The following LRCH1 variants were observed in gnomAD, a reference collection of about 807,000 sequenced individuals.
The protein encoded by LRCH1 is leucine-rich repeat and calponin homology domain-containing protein 1.
LRCH1 carries 23 observed loss-of-function variants against 94.9 expected under a neutral mutation model. The observed-to-expected ratio is 0.24, with a 90% confidence interval of 0.17 to 0.34. LRCH1 has a LOEUF of 0.34. Among genes scored for constraint, LRCH1 ranks in the 10% least tolerant of loss-of-function variants. The pLI is 1.00. For missense variants in LRCH1, 790 were observed against 945.9 expected, an observed-to-expected ratio of 0.84 and a Z score of 2.16; for synonymous variants, 364 against 354.9, an observed-to-expected ratio of 1.03 and a Z score of -0.29.
intron 1 of LRCH1, among the ~76,000 whole-genome samples, chr13:46,627,480 G>A (rs1022815939): frequency 6.6e-6 from 1 of 152,130 alleles, no homozygotes; most frequent in South Asian, 2.1e-4. Flanking sequence ...AAATCGAGAA[G>A]TTGAATGAAT....
intron 1 of LRCH1, among the ~76,000 whole-genome samples, chr13:46,600,866 A>C (rs766450054): frequency 6.6e-6 from 1 of 152,202 alleles, no homozygotes; most frequent in African/African-American, 2.4e-5. Context: ...CTCATGACTG[A>C]TGGCCTATTG....
At chr13:46,674,424 G>A (rs1455445861) in intron 3 of LRCH1, among the ~76,000 whole-genome samples, 2 of 152,224 alleles carry the variant, frequency 1.3e-5, no homozygotes, top group African/African-American at 2.4e-5. Flanking sequence ...AACAAGAGCA[G>A]CCAGGTTGTA....
intron 2 of LRCH1, among the ~76,000 whole-genome samples, chr13:46,650,972 A>G (rs1287346186): frequency 6.6e-6 from 1 of 152,214 alleles, no homozygotes; most frequent in African/African-American, 2.4e-5. Context: ...ATAATATCAT[A>G]TATTAATGCC....
intron 16 of LRCH1, chr13:46,717,518 G>T (rs1386101273): frequency 6.6e-6 from 1 of 152,084 alleles, no homozygotes; most frequent in Non-Finnish European, 1.5e-5. Flanking sequence ...AAAAATTTCT[G>T]TACCGAAATA....
intron 3 of LRCH1, chr13:46,679,910 C>T (rs1450148598): frequency 6.6e-6 from 1 of 152,316 alleles, no homozygotes; most frequent in East Asian, 1.9e-4. Context: ...TAGATGAGAC[C>T]AGGTTAGAGG....
At chr13:46,603,765 T>TC (rs1174767311) in intron 1 of LRCH1, among the ~76,000 whole-genome samples, 1 of 152,192 alleles carries the variant, frequency 6.6e-6, no homozygotes, top group Non-Finnish European at 1.5e-5. Flanking sequence ...CAAGCGATCC[T>TC]CCCACCTCAG....
At chr13:46,736,157 C>T (rs1168050882) in intron 19 of LRCH1, among the ~76,000 whole-genome samples, 2 of 40,398 alleles carry the variant, frequency 5.0e-5, no homozygotes, top group African/African-American at 1.4e-4. Flanking sequence ...TGTGTGTGTA[C>T]ACATATATAT....
intron 4 of LRCH1, among the ~76,000 whole-genome samples, chr13:46,685,564 G>T (rs1193209057): frequency 6.6e-6 from 1 of 152,002 alleles, no homozygotes; most frequent in African/African-American, 2.4e-5. Context: ...ACAGTTTGAA[G>T]TTAAAACATA....
chr13:46,658,750 G>C (rs1004714651), intron 2 of LRCH1, among the ~76,000 whole-genome samples: 3 of 152,144 alleles, frequency 2.0e-5, no homozygotes, highest in African/African-American at 7.2e-5. Context: ...CAAAGTGCTT[G>C]GATTACAGGC....
intron 1 of LRCH1, among the ~76,000 whole-genome samples, chr13:46,565,075 G>A (rs1237078446): frequency 7.2e-5 from 11 of 152,136 alleles, no homozygotes; most frequent in Admixed American, 4.6e-4. Flanking sequence ...CAGTTTCCTC[G>A]TCATAAAATG....
intron 1 of LRCH1, among the ~76,000 whole-genome samples, chr13:46,642,124 A>G (rs1222364862): frequency 6.6e-6 from 1 of 152,242 alleles, no homozygotes; most frequent in Non-Finnish European, 1.5e-5. Context: ...ACGTGGCACT[A>G]AAGACATGTG....
At chr13:46,598,411 T>G (rs2050589082) in intron 1 of LRCH1, among the ~76,000 whole-genome samples, 2 of 151,824 alleles carry the variant, frequency 1.3e-5, no homozygotes, top group Admixed American at 6.6e-5. Flanking sequence ...GAAAAGACGC[T>G]TGCAGATTTA....
At chr13:46,637,147 C>CT (rs1194385481) in intron 1 of LRCH1, among the ~76,000 whole-genome samples, 1 of 152,230 alleles carries the variant, frequency 6.6e-6, no homozygotes, top group Non-Finnish European at 1.5e-5. Context: ...ATTGACTACT[C>CT]TTTTTCTCTC....
chr13:46,681,163 G>A (rs2138141477), intron 3 of LRCH1, among the ~76,000 whole-genome samples: 1 of 152,360 alleles, frequency 6.6e-6, no homozygotes, highest in East Asian at 1.9e-4. Flanking sequence ...TCAGCTGTAA[G>A]ATTTCTAGCC....
At chr13:46,582,653 T>TTTTTTTTTTTTTTTTTTTTG in intron 1 of LRCH1, among the ~76,000 whole-genome samples, 2 of 94,616 alleles carry the variant, frequency 2.1e-5, no homozygotes, top group Non-Finnish European at 4.3e-5. Flanking sequence ...CCCAGCTTTT[T>TTTTTTTTTTTTTTTTTTTTG]TTTTTTTTTT....
At chr13:46,628,895 A>G (rs1327126804) in intron 1 of LRCH1, among the ~76,000 whole-genome samples, 3 of 152,222 alleles carry the variant, frequency 2.0e-5, no homozygotes, top group African/African-American at 7.2e-5. Context: ...GCAGTATAGA[A>G]ACATGTCTTG....
At chr13:46,628,539 C>A (rs368128319) in intron 1 of LRCH1, among the ~76,000 whole-genome samples, 9 of 151,968 alleles carry the variant, frequency 5.9e-5, no homozygotes, top group South Asian at 4.1e-4. Flanking sequence ...CACCAGTAGT[C>A]CCAGCTACTC....
rs1425940112 is a variant in LRCH1, at chr13:46,586,190, AAAAG to A, written c.307+32493_307+32496del. On this transcript the variant is annotated intron_variant, in intron 1 of 19. Transcript: ENST00000389797. Reference sequence around the variant, plus strand: ...GGATGACACAAAGTAAATGATTGCAAAAAGAAAGAGAGAGAGGAAGAAAGGATGA... The same window carrying A: ...GGATGACACAAAGTAAATGATTGCAAAAAGAGAGAGAGGAAGAAAGGATGA... 2.0e-5 allele frequency among the ~76,000 whole-genome samples: 3 copies of A among 152,310 alleles called. No homozygotes were observed. In the South Asian group the frequency reaches 6.2e-4, roughly 32 times the overall value.
intron 1 of LRCH1, among the ~76,000 whole-genome samples, chr13:46,592,354 G>A (rs1377426472): frequency 2.0e-5 from 3 of 152,178 alleles, no homozygotes; most frequent in African/African-American, 7.2e-5. Context: ...AGTGAAATAT[G>A]CCACTGTGGC....
Sources: gnomAD v4.1 joint callset for allele counts (sites outside exome capture counted in the v4.1 genomes callset) on GRCh38, gnomAD v4.1.1 for gene constraint, MANE v1.5 for transcripts, NCBI Gene and HGNC (gene_info 2026-07-23, HGNC 2026-07-21) for gene names.